The following NELL1 variants were observed in gnomAD, a reference collection of about 807,000 sequenced individuals.
NELL1 encodes the protein protein kinase C-binding protein NELL1.
NELL1 carries 76 observed loss-of-function variants against 107.4 expected under a neutral mutation model. That is an observed-to-expected ratio of 0.71 (90% CI 0.59 to 0.86). NELL1 has a LOEUF of 0.86. NELL1 is among the 40% of genes least tolerant of loss of function. NELL1 has a pLI of 0.00. For synonymous variants in NELL1, 353 were observed against 341.2 expected (o/e 1.03, Z -0.38); for missense variants, 1,024 against 1,005.5 (o/e 1.02, Z -0.25).
At chr11:21,555,661 G>T (rs1365616053) in intron 16 of NELL1, among the ~76,000 whole-genome samples, 1 of 151,876 alleles carries the variant, frequency 6.6e-6, no homozygotes, top group African/African-American at 2.4e-5. Context: ...AGTGAGTGAA[G>T]AGTTAATGCT....
intron 14 of NELL1, among the ~76,000 whole-genome samples, chr11:21,247,324 T>C (rs1858518817): frequency 6.6e-6 from 1 of 152,248 alleles, no homozygotes; most frequent in Admixed American, 6.5e-5. Context: ...TTAAAATCTT[T>C]TTGACTGGTT....
chr11:21,184,028 G>A (rs371095221), intron 13 of NELL1, among the ~76,000 whole-genome samples: 7 of 151,894 alleles, frequency 4.6e-5, no homozygotes, highest in East Asian at 1.9e-4. Context: ...GAAGGGCAAT[G>A]CGATATAGAG....
intron 13 of NELL1, among the ~76,000 whole-genome samples, chr11:21,224,329 A>C (rs371013321): frequency 6.6e-6 from 1 of 151,356 alleles, no homozygotes; most frequent in Non-Finnish European, 1.5e-5. Flanking sequence ...TGCAACCTTG[A>C]CCTCCTGGGC....
rs1848536873 is a variant in NELL1 at position 20,836,484 on chromosome 11, A to G, written c.336-11099A>G. Among the ~76,000 whole-genome samples the G allele has an allele frequency of 2.0e-5, 3 of 152,148 alleles. No individual in the cohort carries two copies. The South Asian group carries it at 6.2e-4, about 32-fold the overall frequency. Reference sequence around the variant, plus strand: ...GTTGATTTGAAAATGTATTTTCACAAAAAATCCTGCAAACAGGAAGCAACC... The same window carrying G: ...GTTGATTTGAAAATGTATTTTCACAGAAAATCCTGCAAACAGGAAGCAACC... On this transcript the variant is annotated intron_variant, in intron 3 of 19. Transcript: ENST00000357134.
chr11:20,717,628 C>T (rs1855283866), intron 2 of NELL1, among the ~76,000 whole-genome samples: 1 of 152,090 alleles, frequency 6.6e-6, no homozygotes, highest in Admixed American at 6.6e-5. Flanking sequence ...CTGTATCTGG[C>T]TCTTACTCAT....
At position 21,401,004 on chromosome 11, in the gene NELL1, T is replaced by G. The variant is rs1412887302; in HGVS notation, c.1645+30056T>G. Reference sequence around the variant, plus strand: ...ACCAGTGATGGCAGCAAAGACAAATTTCACAGTATGTATTTGAATGTCACA... The same window carrying G: ...ACCAGTGATGGCAGCAAAGACAAATGTCACAGTATGTATTTGAATGTCACA... On this transcript the variant is annotated intron_variant, in intron 15 of 19. Coordinates refer to ENST00000357134, the MANE Select transcript of NELL1 (RefSeq NM_006157.5). Among the ~76,000 whole-genome samples, 8 of 151,888 alleles carry G rather than the reference T, an allele frequency of 5.3e-5. No homozygotes were observed. The East Asian group carries it at 1.6e-3, about 30-fold the overall frequency.
intron 2 of NELL1, among the ~76,000 whole-genome samples, chr11:20,682,922 T>G (rs937125960): frequency 1.3e-5 from 2 of 152,110 alleles, no homozygotes; most frequent in Non-Finnish European, 2.9e-5. Flanking sequence ...GTAAAGTGCT[T>G]TTCTTACAGG....
chr11:20,721,217 TTA>T (rs1564879287), intron 2 of NELL1, among the ~76,000 whole-genome samples: 1 of 111,198 alleles, frequency 9.0e-6, no homozygotes, highest in Non-Finnish European at 1.7e-5. Flanking sequence ...TATATTTTGT[TTA>T]TATATATATT....
chr11:20,768,385 C>T (rs1459551474), intron 2 of NELL1, among the ~76,000 whole-genome samples: 2 of 152,208 alleles, frequency 1.3e-5, no homozygotes, highest in Non-Finnish European at 1.5e-5. Flanking sequence ...GTGGGTGAAG[C>T]TACCAAAGGA....
intron 14 of NELL1, among the ~76,000 whole-genome samples, chr11:21,270,883 CA>C (rs1848725651): frequency 6.6e-6 from 1 of 152,022 alleles, no homozygotes; most frequent in South Asian, 2.1e-4. Context: ...TGGAGAACTC[CA>C]AAATTATTGG....
At chr11:20,878,125 C>T (rs556144039) in intron 4 of NELL1, among the ~76,000 whole-genome samples, 2 of 152,166 alleles carry the variant, frequency 1.3e-5, no homozygotes, top group South Asian at 2.1e-4. Flanking sequence ...CTTTGGGAGG[C>T]TGAGGCGGGT....
chr11:21,085,393 G>A (rs1284603103), intron 12 of NELL1, among the ~76,000 whole-genome samples: 1 of 152,154 alleles, frequency 6.6e-6, no homozygotes, highest in East Asian at 1.9e-4. Context: ...CAGTACTTTG[G>A]GAGGCTAAGT....
chr11:21,531,926 T>C (rs1449960120), intron 15 of NELL1, among the ~76,000 whole-genome samples: 1 of 152,172 alleles, frequency 6.6e-6, no homozygotes, highest in Non-Finnish European at 1.5e-5. Flanking sequence ...ATGGTTGCTT[T>C]ATATACTACT....
intron 2 of NELL1, among the ~76,000 whole-genome samples, chr11:20,765,169 A>AT (rs34131294): frequency 0.17 from 26,514 of 152,026 alleles, 2,427 homozygotes; most frequent in South Asian, 0.28. Context: ...GTTAAAAAAA[A>AT]AAAATAAAAT....
At chr11:20,930,801 TCA>T (rs1850601735) in intron 9 of NELL1, among the ~76,000 whole-genome samples, 1 of 149,890 alleles carries the variant, frequency 6.7e-6, no homozygotes, top group Non-Finnish European at 1.5e-5. Flanking sequence ...AACTAAAACA[TCA>T]GTTTTTTTTT....
chr11:20,770,121 CT>C (rs775684578), intron 2 of NELL1, among the ~76,000 whole-genome samples: 2 of 152,138 alleles, frequency 1.3e-5, no homozygotes, highest in Admixed American at 1.3e-4. Flanking sequence ...ATTTTCATTT[CT>C]TTTAAAAAAG....
At chr11:20,788,138 T>C (rs1046956765) in intron 3 of NELL1, among the ~76,000 whole-genome samples, 1 of 152,254 alleles carries the variant, frequency 6.6e-6, no homozygotes, top group African/African-American at 2.4e-5. Flanking sequence ...GTTTCCACTC[T>C]TGGCTATTAT....
At chr11:21,330,779 A>T (rs1214224251) in intron 14 of NELL1, among the ~76,000 whole-genome samples, 1 of 152,100 alleles carries the variant, frequency 6.6e-6, no homozygotes, top group Non-Finnish European at 1.5e-5. Context: ...TTTGCAAAGT[A>T]TTAACCATTA....
chr11:20,854,939 C>T (rs577692211), intron 4 of NELL1, among the ~76,000 whole-genome samples: 54 of 152,338 alleles, frequency 3.5e-4, no homozygotes, highest in African/African-American at 1.0e-3. Context: ...CAATATAATA[C>T]TTTCAAAATG....
Sources: allele counts gnomAD v4.1 joint callset (sites outside exome capture counted in the v4.1 genomes callset), GRCh38; gene constraint gnomAD v4.1.1; transcripts MANE v1.5; gene names NCBI Gene and HGNC (gene_info 2026-07-23, HGNC 2026-07-21).